The following DSCAML1 variants were observed in gnomAD, a reference collection of about 807,000 sequenced individuals.
DSCAML1 encodes the protein DS cell adhesion molecule like 1.
DSCAML1 carries 38 observed loss-of-function variants against 200.5 expected under a neutral mutation model. The ratio of observed to expected loss-of-function variants is 0.19; its 90% confidence interval spans 0.15 to 0.25. The LOEUF is 0.25. DSCAML1 is among the 10% of genes least tolerant of loss of function. The pLI, the probability that DSCAML1 is intolerant of heterozygous loss-of-function variation, is 1.00. For synonymous variants in DSCAML1, 1,215 were observed against 1,165.0 expected (o/e 1.04, Z -0.87); for missense variants, 2,223 against 2,858.8 (o/e 0.78, Z 5.07).
chr11:117,675,404 C>T (rs2053190617), intron 3 of DSCAML1, among the ~76,000 whole-genome samples: 1 of 151,342 alleles, frequency 6.6e-6, no homozygotes, highest in Admixed American at 6.6e-5. Context: ...CTCAAGCGAT[C>T]TTCCCGCCTC....
At chr11:117,696,033 A>G (rs535482931) in intron 3 of DSCAML1, among the ~76,000 whole-genome samples, 2 of 152,364 alleles carry the variant, frequency 1.3e-5, no homozygotes, top group East Asian at 3.9e-4. Flanking sequence ...AAGAGCTTGA[A>G]AAACAAGATG....
chr11:117,779,357 G>A (rs1238911465), intron 2 of DSCAML1, among the ~76,000 whole-genome samples: 2 of 152,036 alleles, frequency 1.3e-5, no homozygotes, highest in African/African-American at 2.4e-5. Context: ...TTGGCCTCCC[G>A]ACATAATCCA....
chr11:117,591,988 C>A (rs2051267736), intron 3 of DSCAML1, among the ~76,000 whole-genome samples: 1 of 152,136 alleles, frequency 6.6e-6, no homozygotes, highest in Non-Finnish European at 1.5e-5. Context: ...GGACCACAGG[C>A]CTTGGCAGGG....
chr11:117,524,023 C>G (rs2049928650), intron 5 of DSCAML1, among the ~76,000 whole-genome samples: 1 of 152,198 alleles, frequency 6.6e-6, no homozygotes, highest in Non-Finnish European at 1.5e-5. Context: ...GGCTGGGTCA[C>G]ACAGGAGTGG....
intron 11 of DSCAML1, among the ~76,000 whole-genome samples, chr11:117,494,858 G>A (rs534128811): frequency 5.3e-5 from 8 of 152,192 alleles, no homozygotes; most frequent in Non-Finnish European, 1.0e-4. Flanking sequence ...TGTCTACAGT[G>A]CGAGCAACAT....
chr11:117,656,674 A>C (rs181481250), intron 3 of DSCAML1, among the ~76,000 whole-genome samples: 137 of 152,306 alleles, frequency 9.0e-4, no homozygotes, highest in African/African-American at 3.1e-3. Context: ...CAGGACACAA[A>C]ACTGAGTTAG....
At chr11:117,739,682 C>T (rs1158072175) in intron 3 of DSCAML1, among the ~76,000 whole-genome samples, 8 of 152,180 alleles carry the variant, frequency 5.3e-5, no homozygotes, top group Non-Finnish European at 1.2e-4. Flanking sequence ...GACTCAAAGG[C>T]AACAGTGCCC....
In DSCAML1 at chr11:117,431,688, G is replaced by C. The variant is rs375566375; in HGVS notation, c.5220C>G (p.Thr1740=). 2.1e-4 allele frequency: 345 copies of C among 1,606,546 alleles called. 1 individual carries two copies. The Middle Eastern group carries it at 2.2e-3, about 10-fold the overall frequency. ...SRKNVKSAHS[T]RNRYSSQWTL... ...TCCACTGGCTTGAGTACCGGTTCCG[G>C]GTGCTGTGGGCTGACTTCACATTCT... The change falls in exon 31 of 33, where the codon ACC becomes ACG. Residue 1740 remains threonine, a synonymous_variant. Transcript: ENST00000651296.
At chr11:117,717,362 A>G (rs1340778750) in intron 3 of DSCAML1, among the ~76,000 whole-genome samples, 1 of 151,994 alleles carries the variant, frequency 6.6e-6, no homozygotes, top group Non-Finnish European at 1.5e-5. Context: ...CCCTGCCTCA[A>G]AGGGTGCCCA....
At chr11:117,757,309 A>G (rs1004851672) in intron 3 of DSCAML1, among the ~76,000 whole-genome samples, 11 of 152,180 alleles carry the variant, frequency 7.2e-5, no homozygotes, top group African/African-American at 2.7e-4. Flanking sequence ...TAATCTCACT[A>G]TCTAGAAATA....
At chr11:117,793,419 T>C (rs2055512795) in intron 1 of DSCAML1, among the ~76,000 whole-genome samples, 1 of 152,050 alleles carries the variant, frequency 6.6e-6, no homozygotes, top group African/African-American at 2.4e-5. Context: ...GCATCTGCCC[T>C]CCCCTCTCTT....
At chr11:117,509,410 G>A (rs1302288388) in intron 8 of DSCAML1, among the ~76,000 whole-genome samples, 1 of 152,170 alleles carries the variant, frequency 6.6e-6, no homozygotes, top group East Asian at 1.9e-4. Context: ...AGCTGGGCTG[G>A]TCCCGCGCTC....
intron 3 of DSCAML1, among the ~76,000 whole-genome samples, chr11:117,551,702 G>GCA (rs2050469175): frequency 6.6e-6 from 1 of 152,150 alleles, no homozygotes; most frequent in Non-Finnish European, 1.5e-5. Flanking sequence ...GGGGAAAGGG[G>GCA]GTCTGGAGGG....
chr11:117,640,227 C>G (rs1304684741), intron 3 of DSCAML1, among the ~76,000 whole-genome samples: 1 of 152,140 alleles, frequency 6.6e-6, no homozygotes, highest in Non-Finnish European at 1.5e-5. Context: ...GGCAAACCCG[C>G]CCCACAGCCC....
rs374340734 is a variant in DSCAML1, at chr11:117,789,023, C to G, written c.46+8011G>C. On this transcript the variant is annotated intron_variant, in intron 1 of 32. Coordinates refer to ENST00000651296, the MANE Select transcript of DSCAML1 (RefSeq NM_020693.4). ...AACTAAACGCCAGCAGCTCCCCACCCTAGTCATTGAGATGACCAAAAAACG... is the reference window on the plus strand; with the variant it reads ...AACTAAACGCCAGCAGCTCCCCACCGTAGTCATTGAGATGACCAAAAAACG... Among the ~76,000 whole-genome samples the G allele has an allele frequency of 4.1e-4, 62 of 152,338 alleles. No individual in the cohort carries two copies. In the East Asian group the frequency reaches 7.7e-3, roughly 19 times the overall value.
chr11:117,608,598 A>T (rs576727727), intron 3 of DSCAML1, among the ~76,000 whole-genome samples: 1 of 152,366 alleles, frequency 6.6e-6, no homozygotes, highest in South Asian at 2.1e-4. Flanking sequence ...TGCCCATGAG[A>T]TAGTCCATTG....
chr11:117,447,640 G>A (rs2048207330), intron 20 of DSCAML1, among the ~76,000 whole-genome samples: 1 of 152,172 alleles, frequency 6.6e-6, no homozygotes, highest in South Asian at 2.1e-4. Flanking sequence ...CCAGGATTCA[G>A]TGTAGCTGTG....
chr11:117,798,772 G>A (rs536935402), upstream of DSCAML1, among the ~76,000 whole-genome samples: 69 of 152,206 alleles, frequency 4.5e-4, no homozygotes, highest in African/African-American at 1.6e-3. Context: ...TCCTTTAAAC[G>A]GGTGAGAAAA....
At chr11:117,790,022 A>T (rs1325770500) in intron 1 of DSCAML1, among the ~76,000 whole-genome samples, 1 of 152,136 alleles carries the variant, frequency 6.6e-6, no homozygotes, top group South Asian at 2.1e-4. Context: ...ACCCAAGGTG[A>T]TCACCTGAAT....
Sources: allele counts gnomAD v4.1 joint callset (sites outside exome capture counted in the v4.1 genomes callset), GRCh38; gene constraint gnomAD v4.1.1; transcripts MANE v1.5; gene names NCBI Gene and HGNC (gene_info 2026-07-23, HGNC 2026-07-21).